Variants in DLG2 observed in about 807,000 individuals in gnomAD.
The protein encoded by DLG2 is disks large homolog 2.
A neutral mutation model predicts 132.5 loss-of-function variants in DLG2; 45 were observed. That is an observed-to-expected ratio of 0.34 (90% CI 0.27 to 0.44). DLG2 has a LOEUF of 0.44. DLG2 is among the 20% of genes least tolerant of loss of function. The probability of loss-of-function intolerance (pLI) is 1.00; values close to 1 mark genes in which losing one functional copy is unlikely to be tolerated. For synonymous variants in DLG2, 424 were observed against 419.6 expected (o/e 1.01, Z -0.13); for missense variants, 1,045 against 1,196.9 (o/e 0.87, Z 1.87).
chr11:84,732,768 T>G (rs1409564140), intron 6 of DLG2, among the ~76,000 whole-genome samples: 1 of 151,928 alleles, frequency 6.6e-6, no homozygotes, highest in Non-Finnish European at 1.5e-5. Context: ...ACATTAGGTA[T>G]ATCTCCTAAT....
At chr11:85,448,359 C>T (rs1227077700) in intron 3 of DLG2, among the ~76,000 whole-genome samples, 1 of 152,062 alleles carries the variant, frequency 6.6e-6, no homozygotes, top group African/African-American at 2.4e-5. Flanking sequence ...AAATAATGAG[C>T]AGAGACCTTG....
chr11:84,490,703 T>C (rs145696990), intron 7 of DLG2, among the ~76,000 whole-genome samples: 1 of 151,310 alleles, frequency 6.6e-6, no homozygotes, highest in Non-Finnish European at 1.5e-5. Context: ...AAATGTGTTT[T>C]GGTAAAAGCA....
At chr11:85,130,970 T>C (rs1251575050) in intron 5 of DLG2, among the ~76,000 whole-genome samples, 1 of 152,242 alleles carries the variant, frequency 6.6e-6, no homozygotes, top group African/African-American at 2.4e-5. Flanking sequence ...AAAGATGTTA[T>C]ATACATCACT....
intron 6 of DLG2, among the ~76,000 whole-genome samples, chr11:84,676,236 G>C (rs982356480): frequency 6.6e-6 from 1 of 152,070 alleles, no homozygotes; most frequent in African/African-American, 2.4e-5. Context: ...TATAAGAAAA[G>C]AAGACCATCC....
chr11:83,833,809 C>T, intron 16 of DLG2, 39 bp from the exon 17 acceptor site: 1 of 1,592,114 alleles, frequency 6.3e-7, no homozygotes, highest in Non-Finnish European at 8.6e-7. Flanking sequence ...AGAGGGTGAT[C>T]CATTTAAGAT....
chr11:85,191,835 A>G (rs1023044880), intron 4 of DLG2, among the ~76,000 whole-genome samples: 3 of 152,196 alleles, frequency 2.0e-5, no homozygotes, highest in East Asian at 1.9e-4. Flanking sequence ...AGAGCTTTAC[A>G]TACATTATCT....
At chr11:84,641,186 G>C (rs1467009838) in intron 6 of DLG2, among the ~76,000 whole-genome samples, 1 of 152,042 alleles carries the variant, frequency 6.6e-6, no homozygotes, top group African/African-American at 2.4e-5. Context: ...CCCAGCTTCT[G>C]CCACACAGCT....
chr11:84,475,015 C>T (rs573266187), intron 7 of DLG2, among the ~76,000 whole-genome samples: 1 of 152,218 alleles, frequency 6.6e-6, no homozygotes, highest in East Asian at 1.9e-4. Context: ...ATTCACTCTT[C>T]ATTTCTGTAA....
intron 6 of DLG2, among the ~76,000 whole-genome samples, chr11:84,713,544 C>T (rs992390105): frequency 6.6e-6 from 1 of 152,010 alleles, no homozygotes; most frequent in Non-Finnish European, 1.5e-5. Flanking sequence ...TGATACAAAG[C>T]AATATAGTCG....
intron 7 of DLG2, among the ~76,000 whole-genome samples, chr11:84,329,154 G>A (rs948321705): frequency 2.0e-5 from 3 of 152,014 alleles, no homozygotes; most frequent in African/African-American, 4.8e-5. Flanking sequence ...TTACTAGATC[G>A]TAAGCTCTTC....
At chr11:83,844,529 C>T (rs1156392182) in intron 16 of DLG2, among the ~76,000 whole-genome samples, 1 of 95,810 alleles carries the variant, frequency 1.0e-5, no homozygotes, top group East Asian at 3.5e-4. Flanking sequence ...GCTTAGGCAA[C>T]AGAGTGAGAG....
At chr11:83,609,596 A>G (rs1343237951) in intron 19 of DLG2, among the ~76,000 whole-genome samples, 2 of 152,200 alleles carry the variant, frequency 1.3e-5, no homozygotes, top group African/African-American at 4.8e-5. Context: ...TATTGACAAC[A>G]ACCTAGGAGT....
intron 15 of DLG2, among the ~76,000 whole-genome samples, chr11:83,895,127 A>G (rs973063260): frequency 4.7e-5 from 7 of 148,070 alleles, no homozygotes; most frequent in African/African-American, 1.7e-4. Context: ...GAAACATCAT[A>G]TTACTAAGAA....
In DLG2 at chr11:84,717,470, C is replaced by T. The variant is rs1186093266; in HGVS notation, c.358-182739G>A. ...CAAAGGGAACAAGAGCAGTTTATTG[C>T]TATGCCTCCAGTGTGTAGAATTTCT... On this transcript the variant is annotated intron_variant, in intron 6 of 27. Coordinates refer to ENST00000376104, the MANE Select transcript of DLG2 (RefSeq NM_001142699.3). Among the ~76,000 whole-genome samples, 3 of 152,074 alleles carry T rather than the reference C, an allele frequency of 2.0e-5. 1 individual carries two copies. The highest frequency in any genetic ancestry group is 2.1e-4 in the South Asian group (1 of 4,828).
chr11:83,549,232 CAT>C (rs1293159310), intron 19 of DLG2, among the ~76,000 whole-genome samples: 1 of 152,120 alleles, frequency 6.6e-6, no homozygotes, highest in Non-Finnish European at 1.5e-5. Context: ...GGCTTGGACA[CAT>C]ATGACCCATT....
At chr11:84,266,185 C>T (rs924329897) in intron 7 of DLG2, among the ~76,000 whole-genome samples, 9 of 152,112 alleles carry the variant, frequency 5.9e-5, no homozygotes, top group African/African-American at 2.2e-4. Context: ...TTTTTCGTGG[C>T]CTCCAGATGT....
At chr11:84,882,797 AG>A (rs2154055535) in intron 6 of DLG2, among the ~76,000 whole-genome samples, 1 of 152,188 alleles carries the variant, frequency 6.6e-6, no homozygotes, top group South Asian at 2.1e-4. Flanking sequence ...TATTCAGATG[AG>A]TCAACCTAGT....
intron 19 of DLG2, among the ~76,000 whole-genome samples, chr11:83,576,204 G>A (rs2096871266): frequency 6.6e-6 from 1 of 152,088 alleles, no homozygotes; most frequent in Non-Finnish European, 1.5e-5. Flanking sequence ...AACCAAGTTA[G>A]TTACTAACCA....
chr11:85,447,999 T>C (rs1348396465), intron 3 of DLG2, among the ~76,000 whole-genome samples: 1 of 152,176 alleles, frequency 6.6e-6, no homozygotes, highest in Non-Finnish European at 1.5e-5. Context: ...ATCGTTGACC[T>C]TACAGACAGT....
Sources: allele counts gnomAD v4.1 joint callset (sites outside exome capture counted in the v4.1 genomes callset), GRCh38; gene constraint gnomAD v4.1.1; transcripts MANE v1.5; gene names NCBI Gene and HGNC (gene_info 2026-07-23, HGNC 2026-07-21).